GRM8: variants seen among roughly 807,000 people sequenced by gnomAD.
The protein encoded by GRM8 is glutamate metabotropic receptor 8.
A neutral mutation model predicts 87.2 loss-of-function variants in GRM8; 47 were observed. The ratio of observed to expected loss-of-function variants is 0.54; its 90% CI spans 0.43 to 0.69. GRM8 has a LOEUF of 0.69. Ranked by LOEUF, GRM8 falls within the 30% of genes least tolerant of loss-of-function variation. GRM8 has a pLI of 0.00. For missense variants in GRM8, 1,019 were observed against 1,139.2 expected, an observed-to-expected ratio of 0.89 and a Z score of 1.52; for synonymous variants, 396 against 404.5, an observed-to-expected ratio of 0.98 and a Z score of 0.25.
intron 2 of GRM8, among the ~76,000 whole-genome samples, chr7:127,171,152 T>C (rs17862309): frequency 0.079 from 12,017 of 152,172 alleles, 719 homozygotes; most frequent in African/African-American, 0.17. Context: ...GCAAGAGAAC[T>C]AGAATTAGAG....
chr7:126,718,359 T>TCCAAA (rs1350101474), intron 7 of GRM8, among the ~76,000 whole-genome samples: 2 of 152,198 alleles, frequency 1.3e-5, no homozygotes, highest in Non-Finnish European at 2.9e-5. Context: ...CAAGAGTGTT[T>TCCAAA]ATACCTGACT....
intron 7 of GRM8, among the ~76,000 whole-genome samples, chr7:126,667,922 C>G (rs573583651): frequency 6.6e-6 from 1 of 152,216 alleles, no homozygotes; most frequent in East Asian, 1.9e-4. Flanking sequence ...GAACAGACTG[C>G]CATACTTTTG....
chr7:126,805,160 A>G (rs922980331), intron 6 of GRM8, among the ~76,000 whole-genome samples: 12 of 152,126 alleles, frequency 7.9e-5, no homozygotes, highest in African/African-American at 2.9e-4. Flanking sequence ...AAAGGTCAGG[A>G]CTTGACCTTC....
At chr7:126,627,028 A>AT (rs1800775785) in intron 7 of GRM8, among the ~76,000 whole-genome samples, 1 of 152,192 alleles carries the variant, frequency 6.6e-6, no homozygotes, top group Non-Finnish European at 1.5e-5. Flanking sequence ...ACCTTCTCTT[A>AT]TAAGTCTTAA....
chr7:126,478,537 TG>T (rs1315627769), intron 9 of GRM8, among the ~76,000 whole-genome samples: 1 of 152,144 alleles, frequency 6.6e-6, no homozygotes, highest in African/African-American at 2.4e-5. Flanking sequence ...TCATGGTTTT[TG>T]TATATTACTT....
intron 3 of GRM8, among the ~76,000 whole-genome samples, chr7:127,051,805 T>C (rs114088765): frequency 0.014 from 2,034 of 145,854 alleles, 44 homozygotes; most frequent in African/African-American, 0.049. Context: ...ATAACATTTA[T>C]ATAGTATTTA....
At chr7:126,923,343 A>C (rs1330976610) in intron 3 of GRM8, among the ~76,000 whole-genome samples, 1 of 152,220 alleles carries the variant, frequency 6.6e-6, no homozygotes. Flanking sequence ...ATGTAAGTCA[A>C]CACTAACCTA....
intron 7 of GRM8, among the ~76,000 whole-genome samples, chr7:126,628,234 G>C (rs551491631): frequency 7.2e-5 from 11 of 151,998 alleles, no homozygotes; most frequent in African/African-American, 2.4e-4. Flanking sequence ...TTTTAGTAGA[G>C]ACAGGGTTTC....
chr7:126,823,527 A>G (rs1402284311), intron 6 of GRM8, among the ~76,000 whole-genome samples: 1 of 152,234 alleles, frequency 6.6e-6, no homozygotes, highest in East Asian at 1.9e-4. Context: ...AGATAAATAT[A>G]ATAGGGGCCA....
At chr7:126,807,298 G>C (rs906551241) in intron 6 of GRM8, among the ~76,000 whole-genome samples, 2 of 151,690 alleles carry the variant, frequency 1.3e-5, no homozygotes, top group South Asian at 4.2e-4. Context: ...GAGACCAAAG[G>C]CTACTTCGAC....
intron 3 of GRM8, among the ~76,000 whole-genome samples, chr7:126,937,891 A>G (rs1336599669): frequency 6.6e-6 from 1 of 152,288 alleles, no homozygotes; most frequent in African/African-American, 2.4e-5. Context: ...CTCTTTGGGA[A>G]GAAGGTGGGC....
chr7:126,935,733 T>C (rs981267365), intron 3 of GRM8, among the ~76,000 whole-genome samples: 3 of 152,240 alleles, frequency 2.0e-5, no homozygotes, highest in African/African-American at 7.2e-5. Flanking sequence ...AAATTGCTTA[T>C]AGATGTCCAC....
intron 3 of GRM8, among the ~76,000 whole-genome samples, chr7:126,988,346 A>T (rs2106189): frequency 0.38 from 58,327 of 152,060 alleles, 11,548 homozygotes; most frequent in African/African-American, 0.48. Flanking sequence ...CTATAGAAGC[A>T]CTTAAGGCAC....
chr7:127,223,459 A>G (rs778276881), intron 2 of GRM8, among the ~76,000 whole-genome samples: 20,651 of 105,206 alleles, frequency 0.2, 2,048 homozygotes, highest in African/African-American at 0.33. Flanking sequence ...ACACACACAC[A>G]CACACACACA....
intron 7 of GRM8, among the ~76,000 whole-genome samples, chr7:126,748,702 AAAAC>A (rs1816019625): frequency 6.6e-6 from 1 of 151,884 alleles, no homozygotes; most frequent in Non-Finnish European, 1.5e-5. Flanking sequence ...TTTAAAAAGA[AAAAC>A]AAAGAGAATT....
intron 3 of GRM8, among the ~76,000 whole-genome samples, chr7:126,950,588 C>T (rs1169695196): frequency 6.6e-6 from 1 of 152,024 alleles, no homozygotes; most frequent in East Asian, 1.9e-4. Flanking sequence ...GCATCAAAAA[C>T]TTCAGCTTAG....
chr7:127,002,197 G>A (rs1813796433), intron 3 of GRM8, among the ~76,000 whole-genome samples: 1 of 151,616 alleles, frequency 6.6e-6, no homozygotes, highest in African/African-American at 2.4e-5. Context: ...TCATGCCTCA[G>A]TAAAGAAGAT....
chr7:127,079,914 G>A (rs1169139576), intron 3 of GRM8, among the ~76,000 whole-genome samples: 1 of 152,088 alleles, frequency 6.6e-6, no homozygotes, highest in Non-Finnish European at 1.5e-5. Context: ...GTCCTTTGGA[G>A]GAACATAAAC....
intron 3 of GRM8, among the ~76,000 whole-genome samples, chr7:127,080,416 G>C (rs1288792247): frequency 3.9e-5 from 6 of 152,162 alleles, no homozygotes; most frequent in Non-Finnish European, 8.8e-5. Context: ...AAAGCCACTA[G>C]ATTTGTGGTC....
Sources: gnomAD v4.1 joint callset for allele counts (sites outside exome capture counted in the v4.1 genomes callset) on GRCh38, gnomAD v4.1.1 for gene constraint, MANE v1.5 for transcripts, NCBI Gene and HGNC (gene_info 2026-07-23, HGNC 2026-07-21) for gene names.